GPC6: variants seen among roughly 807,000 people sequenced by gnomAD.
GPC6 encodes the protein glypican-6.
GPC6 carries 14 observed loss-of-function variants against 55.2 expected under a neutral mutation model. That is an observed-to-expected ratio of 0.25 (90% CI 0.17 to 0.40). The LOEUF (loss-of-function observed/expected upper bound fraction) is 0.40. Ranked by LOEUF, GPC6 falls within the 10% of genes least tolerant of loss-of-function variation. The probability of loss-of-function intolerance (pLI) is 1.00; values close to 1 mark genes in which losing one functional copy is unlikely to be tolerated. For missense variants in GPC6, 641 were observed against 708.5 expected, an observed-to-expected ratio of 0.90 and a Z score of 1.08; for synonymous variants, 278 against 259.6, an observed-to-expected ratio of 1.07 and a Z score of -0.68.
intron 2 of GPC6, among the ~76,000 whole-genome samples, chr13:93,692,913 A>T (rs1366170845): frequency 1.3e-5 from 2 of 152,150 alleles, no homozygotes; most frequent in African/African-American, 4.8e-5. Context: ...GCAACTTTGC[A>T]TGGATCACTT....
At chr13:93,899,025 C>A (rs1271088497) in intron 3 of GPC6, among the ~76,000 whole-genome samples, 1 of 149,520 alleles carries the variant, frequency 6.7e-6, no homozygotes, top group Non-Finnish European at 1.5e-5. Context: ...ATCTCCAATA[C>A]CCATCTTCTA....
At chr13:93,726,632 A>G (rs1183153762) in intron 2 of GPC6, among the ~76,000 whole-genome samples, 2 of 152,048 alleles carry the variant, frequency 1.3e-5, no homozygotes, top group Admixed American at 1.3e-4. Flanking sequence ...GGAATCATCC[A>G]GTGTCCTCTG....
At chr13:93,501,519 GTT>G (rs1352384036) in intron 1 of GPC6, among the ~76,000 whole-genome samples, 1 of 152,058 alleles carries the variant, frequency 6.6e-6, no homozygotes, top group East Asian at 1.9e-4. Context: ...ATAGTTTTTT[GTT>G]TTGTTTTCTT....
intron 4 of GPC6, among the ~76,000 whole-genome samples, chr13:94,235,379 A>G (rs1429858916): frequency 6.6e-6 from 1 of 152,170 alleles, no homozygotes; most frequent in East Asian, 1.9e-4. Context: ...AAAAGAAAAA[A>G]GTACTAACTT....
chr13:93,686,783 A>G (rs1442352242), intron 2 of GPC6, among the ~76,000 whole-genome samples: 1 of 152,106 alleles, frequency 6.6e-6, no homozygotes, highest in East Asian at 1.9e-4. Context: ...ACAGAGTTTG[A>G]ATACTTAAAA....
chr13:93,770,151 C>A (rs1167325637), intron 2 of GPC6, among the ~76,000 whole-genome samples: 1 of 152,156 alleles, frequency 6.6e-6, no homozygotes, highest in Non-Finnish European at 1.5e-5. Context: ...AAAAACCATA[C>A]AACCCCCACT....
intron 4 of GPC6, among the ~76,000 whole-genome samples, chr13:94,181,689 CA>C (rs2138947676): frequency 1.3e-5 from 2 of 152,272 alleles, no homozygotes; most frequent in South Asian, 4.1e-4. Context: ...CTGGCTTTTG[CA>C]ACTTTTAATT....
intron 4 of GPC6, among the ~76,000 whole-genome samples, chr13:94,199,576 T>C (rs974975814): frequency 3.3e-5 from 5 of 152,214 alleles, no homozygotes; most frequent in African/African-American, 1.2e-4. Context: ...TCTCTACCAC[T>C]TGTTAACTGG....
chr13:93,478,414 T>G (rs868743868), intron 1 of GPC6, among the ~76,000 whole-genome samples: 2 of 152,314 alleles, frequency 1.3e-5, no homozygotes, highest in South Asian at 2.1e-4. Flanking sequence ...CCAGACAGTA[T>G]AGTTTTTGGT....
chr13:94,194,199 G>A (rs973244817), intron 4 of GPC6, among the ~76,000 whole-genome samples: 7 of 152,014 alleles, frequency 4.6e-5, no homozygotes, highest in Non-Finnish European at 8.8e-5. Context: ...TATTAAAGTT[G>A]CCTGATTTAG....
intron 1 of GPC6, among the ~76,000 whole-genome samples, chr13:93,255,717 A>G (rs1387890686): frequency 6.6e-6 from 1 of 152,180 alleles, no homozygotes; most frequent in Non-Finnish European, 1.5e-5. Context: ...CAGTGGACCT[A>G]TTTTCTAATC....
At chr13:93,834,582 G>A (rs192276446) in intron 3 of GPC6, among the ~76,000 whole-genome samples, 154 of 152,250 alleles carry the variant, frequency 1.0e-3, no homozygotes, top group African/African-American at 3.6e-3. Context: ...AGGAGTGTGT[G>A]TGTGTGTGTG....
At chr13:93,341,540 T>A (rs148213813) in intron 1 of GPC6, among the ~76,000 whole-genome samples, 72 of 152,324 alleles carry the variant, frequency 4.7e-4, no homozygotes, top group African/African-American at 1.6e-3. Flanking sequence ...GCTGTGTACA[T>A]CCTCTTTTGA....
At chr13:93,399,866 T>C (rs1353982369) in intron 1 of GPC6, among the ~76,000 whole-genome samples, 2 of 148,184 alleles carry the variant, frequency 1.3e-5, no homozygotes, top group Non-Finnish European at 3.0e-5. Flanking sequence ...GAGGACTGCA[T>C]GTGTGTTCTA....
rs1480620523 is a variant in GPC6, at chr13:93,457,553, A to G, written c.161-87710A>G. On this transcript the variant is annotated intron_variant, in intron 1 of 8. Coordinates refer to ENST00000377047, the MANE Select transcript of GPC6 (RefSeq NM_005708.5). Reference sequence around the variant, plus strand: ...TTGGTACTTCTTCTATCATCCTGCAAGCTGTGGCTCAGTGTTGAGCCTTCA... The same window carrying G: ...TTGGTACTTCTTCTATCATCCTGCAGGCTGTGGCTCAGTGTTGAGCCTTCA... 2.6e-5 allele frequency among the ~76,000 whole-genome samples: 4 copies of G among 152,174 alleles called. No individual in the cohort carries two copies. The East Asian group carries it at 7.7e-4, about 29-fold the overall frequency.
At chr13:93,290,090 G>C (rs1383581033) in intron 1 of GPC6, among the ~76,000 whole-genome samples, 2 of 152,076 alleles carry the variant, frequency 1.3e-5, no homozygotes, top group Non-Finnish European at 1.5e-5. Context: ...ATGAAGCAAG[G>C]AGGTTAATGT....
At chr13:94,358,129 A>G (rs915917904) in intron 6 of GPC6, among the ~76,000 whole-genome samples, 2 of 152,048 alleles carry the variant, frequency 1.3e-5, no homozygotes, top group Non-Finnish European at 2.9e-5. Flanking sequence ...ATCTCTACTA[A>G]AAATACAAAA....
At chr13:93,265,807 C>CTT (rs141252461) in intron 1 of GPC6, among the ~76,000 whole-genome samples, 1 of 144,976 alleles carries the variant, frequency 6.9e-6, no homozygotes, top group African/African-American at 2.5e-5. Context: ...TCTTTTTTTT[C>CTT]TTTTTTTTTT....
At chr13:93,510,948 G>GAA (rs1472555539) in intron 1 of GPC6, among the ~76,000 whole-genome samples, 1 of 5,724 alleles carries the variant, frequency 1.7e-4, no homozygotes, top group African/African-American at 3.7e-4. Flanking sequence ...TTTCTTTTGA[G>GAA]AAATATATAT....
Sources: gnomAD v4.1 joint callset for allele counts (sites outside exome capture counted in the v4.1 genomes callset) on GRCh38, gnomAD v4.1.1 for gene constraint, MANE v1.5 for transcripts, NCBI Gene and HGNC (gene_info 2026-07-23, HGNC 2026-07-21) for gene names.